Variants in EYS observed in about 807,000 individuals in gnomAD.
The protein encoded by EYS is EGF-like photoreceptor maintenance factor, also known as protein eyes shut homolog.
EYS carries 250 observed loss-of-function variants against 282.1 expected under a neutral mutation model. That is an observed-to-expected ratio of 0.89 (90% CI 0.80 to 0.98). The LOEUF is 0.98. Among genes scored for constraint, EYS ranks in the 50% least tolerant of loss-of-function variants. The pLI is 0.00. For synonymous variants in EYS, 1,355 were observed against 1,282.9 expected (o/e 1.06, Z -1.20); for missense variants, 4,016 against 3,709.0 (o/e 1.08, Z -2.15).
chr6:65,126,186 C>A (rs910410383), intron 12 of EYS, among the ~76,000 whole-genome samples: 1 of 152,076 alleles, frequency 6.6e-6, no homozygotes, highest in Non-Finnish European at 1.5e-5. Flanking sequence ...CTTATTAACT[C>A]TTTCATTTAA....
chr6:64,605,218 T>C (rs1225323715), intron 24 of EYS, among the ~76,000 whole-genome samples: 1 of 151,948 alleles, frequency 6.6e-6, no homozygotes, highest in Non-Finnish European at 1.5e-5. Flanking sequence ...TAATTACATG[T>C]CAATTATTTT....
intron 12 of EYS, among the ~76,000 whole-genome samples, chr6:65,237,760 A>G (rs1766963737): frequency 6.6e-6 from 1 of 152,188 alleles, no homozygotes; most frequent in African/African-American, 2.4e-5. Flanking sequence ...ACCCATTGCT[A>G]ACATTGAAAT....
At chr6:64,991,111 C>T (rs147158765) in intron 14 of EYS, among the ~76,000 whole-genome samples, 165 of 151,556 alleles carry the variant, frequency 1.1e-3, no homozygotes, top group African/African-American at 3.7e-3. Flanking sequence ...GAAAAGAATT[C>T]CATAATCTAG....
chr6:63,798,777 A>C (rs780608701), intron 37 of EYS, among the ~76,000 whole-genome samples: 39 of 152,006 alleles, frequency 2.6e-4, no homozygotes, highest in Non-Finnish European at 5.3e-4. Flanking sequence ...GTTTATAACT[A>C]AGGGCTTGAA....
At chr6:65,592,501 A>G (rs1765264205) in intron 2 of EYS, among the ~76,000 whole-genome samples, 1 of 152,024 alleles carries the variant, frequency 6.6e-6, no homozygotes, top group South Asian at 2.1e-4. Flanking sequence ...GATAACAACA[A>G]AACTCACAGC....
rs185225849 is a variant in EYS, at chr6:64,872,426, A to T, written c.2992+14271T>A. 4.8e-4 allele frequency among the ~76,000 whole-genome samples: 73 copies of T among 152,172 alleles called. 1 individual carries two copies. The highest frequency in any genetic ancestry group is 4.2e-3 in the Admixed American group (64 of 15,234). ...TTGAAAACCAATGGTGCAGTAAGTC[A>T]AAACTCCTATCTTCTGATGATAGAA... On this transcript the variant is annotated intron_variant, in intron 19 of 42. Coordinates refer to ENST00000503581, the MANE Select transcript of EYS (RefSeq NM_001142800.2).
intron 22 of EYS, among the ~76,000 whole-genome samples, chr6:64,756,853 T>A (rs961208709): frequency 3.3e-5 from 5 of 151,554 alleles, no homozygotes; most frequent in Non-Finnish European, 5.9e-5. Context: ...AGTCAAAAAA[T>A]TTTCTGAATT....
intron 5 of EYS, among the ~76,000 whole-genome samples, chr6:65,446,371 TC>T (rs961118503): frequency 6.6e-6 from 1 of 151,880 alleles, no homozygotes; most frequent in African/African-American, 2.4e-5. Context: ...TATATTAACT[TC>T]AAAGAGAAAA....
intron 41 of EYS, among the ~76,000 whole-genome samples, chr6:63,752,496 T>TTTC (rs1309178968): frequency 1.4e-5 from 2 of 146,142 alleles, no homozygotes; most frequent in African/African-American, 5.0e-5. Context: ...TTTAATTTCT[T>TTTC]TTTTTTTTTT....
rs1016964655 is a variant in EYS, at chr6:64,010,957, G to GTA, written c.6726-11776_6726-11775dup. On this transcript the variant is annotated intron_variant, in intron 33 of 42. Transcript: ENST00000503581. The stretch of plus-strand genomic sequence containing the variant: ...GATGGCAGCCTTTCTCTTTTTCTGA[G>GTA]TATATATATATGAATATATTTATAT... Among the ~76,000 whole-genome samples the GTA allele has an allele frequency of 4.0e-5, 6 of 151,628 alleles. No homozygotes were observed. The East Asian group carries it at 5.8e-4, about 15-fold the overall frequency.
chr6:65,431,321 C>G (rs537184638), intron 5 of EYS, among the ~76,000 whole-genome samples: 2 of 152,072 alleles, frequency 1.3e-5, no homozygotes, highest in Non-Finnish European at 2.9e-5. Flanking sequence ...CTTCTCAATG[C>G]CCTTTGTGTC....
intron 2 of EYS, among the ~76,000 whole-genome samples, chr6:65,616,333 T>C (rs1766197351): frequency 6.6e-6 from 1 of 152,196 alleles, no homozygotes; most frequent in Non-Finnish European, 1.5e-5. Context: ...CTCTAGAAAT[T>C]CATTACTCTT....
intron 5 of EYS, among the ~76,000 whole-genome samples, chr6:65,425,058 G>C (rs1056135376): frequency 6.6e-6 from 1 of 151,904 alleles, no homozygotes; most frequent in Non-Finnish European, 1.5e-5. Flanking sequence ...GTACCAAAGC[G>C]CTCCTTTGAC....
intron 22 of EYS, among the ~76,000 whole-genome samples, chr6:64,798,258 C>G (rs1774421094): frequency 6.6e-6 from 1 of 151,764 alleles, no homozygotes; most frequent in South Asian, 2.1e-4. Flanking sequence ...TCAAGATTTT[C>G]AAGGTTCCTT....
chr6:63,727,905 G>T (rs2149633146), intron 41 of EYS, among the ~76,000 whole-genome samples: 1 of 147,480 alleles, frequency 6.8e-6, no homozygotes, highest in Non-Finnish European at 1.5e-5. Context: ...CAGCTTGGGC[G>T]ACGGAGTGGG....
chr6:64,707,663 C>CA (rs59172308), intron 22 of EYS, among the ~76,000 whole-genome samples: 193 of 100,970 alleles, frequency 1.9e-3, no homozygotes, highest in African/African-American at 2.8e-3. Flanking sequence ...AGACTCGTAT[C>CA]AAAAAAAAAA....
At chr6:64,621,235 C>T (rs1280220621) in intron 23 of EYS, among the ~76,000 whole-genome samples, 1 of 152,094 alleles carries the variant, frequency 6.6e-6, no homozygotes, top group Non-Finnish European at 1.5e-5. Flanking sequence ...CATTCTATAA[C>T]ATAAGTTATA....
chr6:64,902,484 GT>G lies in EYS; in HGVS notation c.2657del (p.Asn886ThrfsTer6). 1.3e-6 allele frequency: 2 copies of G among 1,533,070 alleles called. No homozygotes were observed. 95.0% of individuals were successfully genotyped at this position (1,533,070 alleles called of 1,614,324 possible). A position where few individuals can be genotyped will look rare whatever the true frequency, so the allele number is the denominator to read the frequency against. On this transcript the variant is annotated frameshift_variant, in exon 17 of 43. Coordinates refer to ENST00000503581, the MANE Select transcript of EYS (RefSeq NM_001142800.2). LOFTEE classifies it high-confidence loss of function. Reference protein sequence around the residue: ...CICREEFEGKNCEIDVKDCLF... With the variant: ...CICREEFEGKXCEIDVKDCLF... ...GGCAGTCTTTCACATCAATTTCACA[GT>G]TTTTACCTTCAAATTCTGCAAAGAG...
At chr6:65,102,310 A>T (rs184415933) in intron 12 of EYS, among the ~76,000 whole-genome samples, 1 of 151,516 alleles carries the variant, frequency 6.6e-6, no homozygotes, top group East Asian at 1.9e-4. Flanking sequence ...CTCCTGAAGC[A>T]TATCACTCAT....
Sources: allele counts gnomAD v4.1 joint callset (sites outside exome capture counted in the v4.1 genomes callset), GRCh38; gene constraint gnomAD v4.1.1; transcripts MANE v1.5; gene names NCBI Gene and HGNC (gene_info 2026-07-23, HGNC 2026-07-21).